Variants in PTPN13 observed in about 807,000 individuals in gnomAD.
The protein encoded by PTPN13 is tyrosine-protein phosphatase non-receptor type 13.
A neutral mutation model predicts 284.0 loss-of-function variants in PTPN13; 191 were observed. The observed-to-expected ratio is 0.67, with a 90% confidence interval of 0.60 to 0.76. The LOEUF (loss-of-function observed/expected upper bound fraction) is 0.76, where lower values mean the gene tolerates loss of function less well. Ranked by LOEUF, PTPN13 falls within the 30% of genes least tolerant of loss-of-function variation. PTPN13 has a pLI of 0.00. For synonymous variants in PTPN13, 986 were observed against 1,022.3 expected (o/e 0.96, Z 0.68); for missense variants, 2,797 against 2,939.9 (o/e 0.95, Z 1.12).
intron 7 of PTPN13, among the ~76,000 whole-genome samples, chr4:86,707,972 AGAAAG>A (rs1731952177): frequency 6.6e-6 from 1 of 152,222 alleles, no homozygotes; most frequent in African/African-American, 2.4e-5. Context: ...TCAACATCTT[AGAAAG>A]GAAAGAAGTG....
At chr4:86,811,170 T>A in intron 47 of PTPN13, 62 bp downstream of exon 47, 1 of 1,482,500 alleles carries the variant, frequency 6.7e-7, no homozygotes, top group Non-Finnish European at 9.2e-7. Context: ...TTTTTAAGGT[T>A]CTTATTAAAC....
chr4:86,785,796 A>G (rs183410788), intron 39 of PTPN13, 52 bp from the exon 40 acceptor site: 101 of 1,172,248 alleles, frequency 8.6e-5, no homozygotes, highest in Non-Finnish European at 9.5e-6. Context: ...AAACTTTTCT[A>G]CTTCCTCAAT....
chr4:86,728,547 T>C (rs1375881392), intron 10 of PTPN13, among the ~76,000 whole-genome samples: 1 of 148,074 alleles, frequency 6.8e-6, no homozygotes, highest in Non-Finnish European at 1.5e-5. Context: ...CTTGTTGAAT[T>C]GATCCCTTTA....
chr4:86,796,096 A>C (rs1743309462), intron 40 of PTPN13, among the ~76,000 whole-genome samples: 1 of 152,188 alleles, frequency 6.6e-6, no homozygotes, highest in Admixed American at 6.5e-5. Flanking sequence ...CTCCTGCTGC[A>C]GTATTTGAAT....
intron 10 of PTPN13, among the ~76,000 whole-genome samples, chr4:86,723,898 T>A (rs1315267535): frequency 1.3e-5 from 2 of 152,242 alleles, no homozygotes; most frequent in Admixed American, 1.3e-4. Context: ...CTATACTGTT[T>A]TCATTTTCTG....
intron 9 of PTPN13, among the ~76,000 whole-genome samples, chr4:86,719,310 C>T (rs1223940822): frequency 6.6e-6 from 1 of 152,202 alleles, no homozygotes; most frequent in Non-Finnish European, 1.5e-5. Context: ...GACATGATCT[C>T]ATTCTTTTTT....
chr4:86,804,272 A>G (rs540812984), intron 43 of PTPN13, among the ~76,000 whole-genome samples: 1 of 152,286 alleles, frequency 6.6e-6, no homozygotes, highest in African/African-American at 2.4e-5. Flanking sequence ...AATGGCTCAG[A>G]GCCCTAGCTC....
intron 10 of PTPN13, among the ~76,000 whole-genome samples, chr4:86,728,666 T>A (rs1167513090): frequency 8.9e-6 from 1 of 112,132 alleles, no homozygotes; most frequent in African/African-American, 3.4e-5. Flanking sequence ...TTTTTTTTTT[T>A]TTTTTTTTTT....
At position 86,769,770 on chromosome 4, in the gene PTPN13, AAATAC is replaced by A; in HGVS notation, c.4493_4497del (p.Asn1498IlefsTer2). 1.9e-6 allele frequency: 3 copies of A among 1,576,600 alleles called. No individual in the cohort carries two copies. Among genetic ancestry groups the A allele is most frequent in the Non-Finnish European group, 2.6e-6 (3 of 1,159,534 alleles). ...TTTTTTTTATATCTTTTTCTCCAGA[AAATAC>A]ATTTGAGGTAAAATTATTTAAAAAT... On this transcript the variant is annotated frameshift_variant and splice_region_variant, in exon 29 of 48. Coordinates refer to ENST00000411767, the MANE Select transcript of PTPN13 (RefSeq NM_080683.3). LOFTEE classifies it high-confidence loss of function.
chr4:86,774,943 GA>G (rs1476261572), intron 33 of PTPN13, among the ~76,000 whole-genome samples: 1 of 152,004 alleles, frequency 6.6e-6, no homozygotes, highest in Middle Eastern at 3.2e-3. Context: ...GCAAAATAAT[GA>G]TGCATTTGTT....
At chr4:86,746,049 T>A (rs925798976) in intron 17 of PTPN13, among the ~76,000 whole-genome samples, 5 of 152,114 alleles carry the variant, frequency 3.3e-5, no homozygotes, top group Non-Finnish European at 5.9e-5. Flanking sequence ...GGTGGCAGAT[T>A]TACTACCTAT....
chr4:86,748,971 T>C (rs1372700807), intron 17 of PTPN13, among the ~76,000 whole-genome samples: 4 of 152,210 alleles, frequency 2.6e-5, no homozygotes, highest in Non-Finnish European at 5.9e-5. Flanking sequence ...TGGGAATTTT[T>C]AACAAAGGTG....
chr4:86,628,204 A>G (rs188591695), intron 1 of PTPN13, among the ~76,000 whole-genome samples: 8 of 152,264 alleles, frequency 5.3e-5, no homozygotes, highest in Admixed American at 5.2e-4. Context: ...GTTTCTCTAC[A>G]TCTTTGTCAA....
intron 41 of PTPN13, among the ~76,000 whole-genome samples, chr4:86,798,366 G>A (rs145391119): frequency 1.3e-3 from 198 of 152,328 alleles, no homozygotes; most frequent in African/African-American, 4.2e-3. Context: ...TAAAAGCAGC[G>A]TAATTGCTGC....
chr4:86,732,815 A>G, intron 12 of PTPN13, 49 bp downstream of exon 12: 1 of 1,503,822 alleles, frequency 6.6e-7, no homozygotes, highest in Non-Finnish European at 9.0e-7. Flanking sequence ...TTTAGCAACA[A>G]GCAGACTTCC....
At chr4:86,661,518 C>T (rs1726483587) in intron 2 of PTPN13, among the ~76,000 whole-genome samples, 1 of 152,032 alleles carries the variant, frequency 6.6e-6, no homozygotes, top group Non-Finnish European at 1.5e-5. Context: ...ATCTTCCTTC[C>T]TCCTTTTCTT....
chr4:86,618,186 C>A (rs533991872), intron 1 of PTPN13, among the ~76,000 whole-genome samples: 5 of 152,096 alleles, frequency 3.3e-5, no homozygotes, highest in Non-Finnish European at 5.9e-5. Context: ...AATAGGGAAT[C>A]GTTTCCCCAT....
intron 6 of PTPN13, among the ~76,000 whole-genome samples, chr4:86,699,837 A>C (rs1480483191): frequency 6.6e-6 from 1 of 152,116 alleles, no homozygotes; most frequent in African/African-American, 2.4e-5. Flanking sequence ...AATGAGTTCC[A>C]AATGTGGTTT....
intron 9 of PTPN13, among the ~76,000 whole-genome samples, 172 bp downstream of exon 9, chr4:86,717,289 C>T (rs1352491783): frequency 1.3e-5 from 2 of 150,590 alleles, no homozygotes; most frequent in Non-Finnish European, 3.0e-5. Context: ...CCCAGGTTCA[C>T]GCAATTCTTT....
Sources: allele counts gnomAD v4.1 joint callset (sites outside exome capture counted in the v4.1 genomes callset), GRCh38; gene constraint gnomAD v4.1.1; transcripts MANE v1.5; gene names NCBI Gene and HGNC (gene_info 2026-07-23, HGNC 2026-07-21).